The following FAM193A variants were observed in gnomAD, a reference collection of about 807,000 sequenced individuals.
The protein encoded by FAM193A is family with sequence similarity 193 member A, also known as protein FAM193A.
Under a neutral mutation model 126.5 loss-of-function variants are expected in FAM193A, and 22 were observed. The observed-to-expected ratio is 0.17, with a 90% CI of 0.12 to 0.25. FAM193A has a LOEUF of 0.25. Ranked by LOEUF, FAM193A falls within the 10% of genes least tolerant of loss-of-function variation. The pLI, the probability that FAM193A is intolerant of heterozygous loss-of-function variation, is 1.00. For synonymous variants in FAM193A, 761 were observed against 646.8 expected (o/e 1.18, Z -2.68); for missense variants, 1,675 against 1,672.8 (o/e 1.00, Z -0.02).
intron 12 of FAM193A, among the ~76,000 whole-genome samples, chr4:2,671,471 C>T (rs986126501): frequency 2.6e-5 from 4 of 152,118 alleles, no homozygotes; most frequent in Admixed American, 6.5e-5. Context: ...TGCCCACTGC[C>T]GACCGAGTCA....
intron 2 of FAM193A, among the ~76,000 whole-genome samples, chr4:2,605,699 C>T (rs1016120783): frequency 6.6e-6 from 1 of 152,112 alleles, no homozygotes. Flanking sequence ...GGGCCGGACA[C>T]GGTGGCTCAC....
chr4:2,720,185 A>C (rs949546957), intron 20 of FAM193A: 16 of 154,390 alleles, frequency 1.0e-4, no homozygotes, highest in African/African-American at 3.9e-4. Context: ...GTAGATTTCC[A>C]AAAAAAGTAT....
intron 1 of FAM193A, among the ~76,000 whole-genome samples, chr4:2,587,638 G>C (rs376929881): frequency 4.6e-5 from 7 of 152,116 alleles, no homozygotes; most frequent in African/African-American, 4.8e-5. Context: ...AGGTTGCAGC[G>C]AGCCAAGATC....
chr4:2,686,460 A>G (rs1214661171), intron 13 of FAM193A, among the ~76,000 whole-genome samples: 1 of 152,248 alleles, frequency 6.6e-6, no homozygotes, highest in Non-Finnish European at 1.5e-5. Flanking sequence ...GAAGACAAAA[A>G]CATAATCAAA....
In FAM193A at chr4:2,596,184, A is replaced by T. The variant is rs1217653602; in HGVS notation, c.356A>T (p.Glu119Val). The T allele has an allele frequency of 1.0e-5, 7 of 702,828 alleles. No individual in the cohort carries two copies. In the South Asian group the frequency reaches 1.0e-4, roughly 10 times the overall value. The allele number at this position is 702,828 out of a possible 1,614,324, so 43.5% of individuals were successfully genotyped here. The change falls in exon 2 of 21, where the codon GAG becomes GTG. Residue 119 changes from glutamate (E) to valine (V), a missense_variant. By Grantham distance (121) the Glu-to-Val change is moderately radical. Coordinates refer to ENST00000637812, the MANE Select transcript of FAM193A (RefSeq NM_001366318.2). ...RSERKDSSFL[E>V]SGIKTASKLA... ...GAACGGAAAGACTCATCATTCTTAG[A>T]GAGTGGAATTAAGACTGCGAGCAAA...
At position 2,605,709 on chromosome 4, in the gene FAM193A, C is replaced by T. The variant is rs560636152; in HGVS notation, c.501+9380C>T. 2.9e-4 allele frequency among the ~76,000 whole-genome samples: 44 copies of T among 152,216 alleles called. No individual in the cohort carries two copies. In the South Asian group the frequency reaches 8.3e-3, roughly 29 times the overall value. ...AAGTAGGGCCGGACACGGTGGCTCA[C>T]GCCTGTAATCCCAGCACTTTGGGAG... On this transcript the variant is annotated intron_variant, in intron 2 of 20. Transcript: ENST00000637812.
chr4:2,567,727 C>A (rs1226220649), intron 1 of FAM193A, among the ~76,000 whole-genome samples: 1 of 152,154 alleles, frequency 6.6e-6, no homozygotes, highest in Non-Finnish European at 1.5e-5. Flanking sequence ...ATCTCAAAAG[C>A]CGTGCACCTT....
chr4:2,540,009 T>G (rs1291625414), intron 1 of FAM193A, among the ~76,000 whole-genome samples: 2 of 151,744 alleles, frequency 1.3e-5, no homozygotes, highest in East Asian at 1.9e-4. Flanking sequence ...TCCCAGCTAC[T>G]CGGGAGACTG....
chr4:2,700,028 C>A lies in FAM193A; in HGVS notation c.3856C>A (p.Pro1286Thr), dbSNP rs758901814. The stretch of plus-strand genomic sequence containing the variant: ...ATCCAGGCATATGAACCACTCAGAG[C>A]CCAGGCCAGGGCTAGGGGCTGATGG... ...SPSRHMNHSE[P>T]RPGLGADGDA... Residue 1286 changes from proline (P) to threonine (T), a missense_variant, in exon 19 of 21, where the codon CCC becomes ACC. This residue lies in a region of FAM193A where 415 missense variants were observed against 396.7 expected (regional missense o/e 1.05). Coordinates refer to ENST00000637812, the MANE Select transcript of FAM193A (RefSeq NM_001366318.2). 41 of 1,613,964 alleles carry A rather than the reference C, an allele frequency of 2.5e-5. No homozygotes were observed. Among genetic ancestry groups the A allele is most frequent in the Non-Finnish European group, 3.3e-5 (39 of 1,180,008 alleles).
chr4:2,604,233 A>ACTGTATTTG (rs71178490), intron 2 of FAM193A, among the ~76,000 whole-genome samples: 4 of 152,100 alleles, frequency 2.6e-5, no homozygotes, highest in African/African-American at 9.7e-5. Context: ...CTTATTAATC[A>ACTGTATTTG]CTGTATTTGC....
chr4:2,544,705 G>C (rs1737442898), intron 1 of FAM193A, among the ~76,000 whole-genome samples: 1 of 151,554 alleles, frequency 6.6e-6, no homozygotes, highest in Admixed American at 6.6e-5. Context: ...CTCTGTCTCT[G>C]AAAGAAAAAA....
chr4:2,655,052 C>T, intron 7 of FAM193A: 2 of 686,256 alleles, frequency 2.9e-6, no homozygotes, highest in Non-Finnish European at 5.3e-6. Context: ...TTTTGGCTTC[C>T]ACTAGGACCT....
At chr4:2,538,224 A>C (rs995714851) in intron 1 of FAM193A, among the ~76,000 whole-genome samples, 6 of 150,386 alleles carry the variant, frequency 4.0e-5, no homozygotes, top group African/African-American at 1.5e-4. Flanking sequence ...TTGAGAACGG[A>C]GTCTCGCTCT....
intron 18 of FAM193A, among the ~76,000 whole-genome samples, chr4:2,699,450 ACAC>A (rs1717438736): frequency 2.9e-5 from 2 of 69,596 alleles, no homozygotes; most frequent in Admixed American, 4.6e-4. Flanking sequence ...CCCCCCCCAC[ACAC>A]ACACACACAA....
rs1745170370 is a variant in FAM193A at position 2,646,643 on chromosome 4, CT to C, written c.1164-39del. 15 of 1,555,280 alleles carry C rather than the reference CT, an allele frequency of 9.6e-6. No individual in the cohort carries two copies. The Admixed American group carries it at 3.0e-4, about 31-fold the overall frequency. ...ACATTTCTGATCTCTGCTTCAGAGC[CT>C]TTGGGTTCTTTCCTTTGTTACAAGG... On this transcript the variant is annotated intron_variant, in intron 6 of 20. Coordinates refer to ENST00000637812, the MANE Select transcript of FAM193A (RefSeq NM_001366318.2).
At chr4:2,665,023 A>G (rs1712948199) in intron 12 of FAM193A, among the ~76,000 whole-genome samples, 2 of 152,132 alleles carry the variant, frequency 1.3e-5, no homozygotes, top group South Asian at 4.1e-4. Flanking sequence ...AATCCTCTGG[A>G]TGTGGTTGTG....
intron 20 of FAM193A, among the ~76,000 whole-genome samples, chr4:2,720,560 C>T (rs1720016262): frequency 6.6e-6 from 1 of 150,512 alleles, no homozygotes; most frequent in African/African-American, 2.5e-5. Flanking sequence ...GCTGAAGTGG[C>T]AGGATCCCTT....
chr4:2,638,980 A>G (rs1216583719), intron 5 of FAM193A, among the ~76,000 whole-genome samples: 3 of 152,220 alleles, frequency 2.0e-5, no homozygotes, highest in African/African-American at 7.2e-5. Context: ...CAAAGATGTA[A>G]CGTGATCTGA....
intron 2 of FAM193A, among the ~76,000 whole-genome samples, chr4:2,604,491 A>G (rs1741408895): frequency 6.6e-6 from 1 of 152,164 alleles, no homozygotes. Context: ...TTTGCTTTAC[A>G]TATTTCAAGA....
Sources: allele counts gnomAD v4.1 joint callset (sites outside exome capture counted in the v4.1 genomes callset), GRCh38; gene constraint gnomAD v4.1.1; regional missense constraint gnomAD v4.1.1; transcripts MANE v1.5; gene names NCBI Gene and HGNC (gene_info 2026-07-23, HGNC 2026-07-21).